Variants in CSMD3 observed in about 807,000 individuals in gnomAD.
CSMD3 encodes the protein CUB and Sushi multiple domains 3.
Under a neutral mutation model 435.2 loss-of-function variants are expected in CSMD3, and 177 were observed. The observed-to-expected ratio is 0.41, with a 90% CI of 0.36 to 0.46. The LOEUF (loss-of-function observed/expected upper bound fraction) is 0.46. Ranked by LOEUF, CSMD3 falls within the 20% of genes least tolerant of loss-of-function variation. The probability of loss-of-function intolerance (pLI) is 0.34; values close to 1 mark genes in which losing one functional copy is unlikely to be tolerated. For missense variants in CSMD3, 4,265 were observed against 4,504.6 expected, an observed-to-expected ratio of 0.95 and a Z score of 1.52; for synonymous variants, 1,656 against 1,520.5, an observed-to-expected ratio of 1.09 and a Z score of -2.07.
chr8:113,166,999 G>A (rs1254784810), intron 4 of CSMD3, among the ~76,000 whole-genome samples: 4 of 152,014 alleles, frequency 2.6e-5, no homozygotes, highest in Non-Finnish European at 1.5e-5. Context: ...GTATACAAGT[G>A]AGAAAACTGA....
chr8:112,743,127 A>C (rs1294211673), intron 13 of CSMD3, among the ~76,000 whole-genome samples: 1 of 152,052 alleles, frequency 6.6e-6, no homozygotes, highest in Non-Finnish European at 1.5e-5. Context: ...TGTGTGACTG[A>C]ATGTGTGCTT....
intron 32 of CSMD3, among the ~76,000 whole-genome samples, chr8:112,432,909 GAAA>G (rs11300101): frequency 1.3e-4 from 19 of 145,558 alleles, no homozygotes; most frequent in Admixed American, 2.8e-4. Flanking sequence ...GGCTCCACTG[GAAA>G]AAAAAAAAAA....
intron 13 of CSMD3, among the ~76,000 whole-genome samples, chr8:112,796,039 G>T (rs1047326891): frequency 6.6e-6 from 1 of 152,104 alleles, no homozygotes; most frequent in Non-Finnish European, 1.5e-5. Context: ...ATGTGCACGT[G>T]CATGCCTATG....
At chr8:113,336,272 G>T (rs2094074098) in intron 1 of CSMD3, among the ~76,000 whole-genome samples, 1 of 151,154 alleles carries the variant, frequency 6.6e-6, no homozygotes, top group South Asian at 2.1e-4. Context: ...CTCCTTACAT[G>T]TTCTATTCTT....
intron 42 of CSMD3, among the ~76,000 whole-genome samples, chr8:112,340,406 T>C (rs1415578888): frequency 6.6e-6 from 1 of 152,208 alleles, no homozygotes; most frequent in Non-Finnish European, 1.5e-5. Context: ...TGTAATTTGA[T>C]GTTTAAGACC....
At chr8:112,946,412 A>G (rs2083611916) in intron 9 of CSMD3, among the ~76,000 whole-genome samples, 1 of 151,720 alleles carries the variant, frequency 6.6e-6, no homozygotes, top group Non-Finnish European at 1.5e-5. Context: ...AGTGCAATAT[A>G]TTATAATATA....
intron 32 of CSMD3, among the ~76,000 whole-genome samples, chr8:112,447,546 G>T (rs1490152727): frequency 6.6e-6 from 1 of 152,098 alleles, no homozygotes; most frequent in Non-Finnish European, 1.5e-5. Flanking sequence ...ACAATCATAA[G>T]AAGTATATAG....
intron 7 of CSMD3, among the ~76,000 whole-genome samples, chr8:112,959,410 T>C (rs996733237): frequency 6.6e-6 from 1 of 152,008 alleles, no homozygotes; most frequent in African/African-American, 2.4e-5. Flanking sequence ...AACAATAAAG[T>C]ATCTTGGAAG....
chr8:113,310,225 A>G (rs568209493), intron 2 of CSMD3: 1 of 152,240 alleles, frequency 6.6e-6, no homozygotes, highest in South Asian at 2.1e-4. Context: ...TCATTCCATA[A>G]TATTTCATAT....
intron 28 of CSMD3, among the ~76,000 whole-genome samples, chr8:112,507,590 T>C (rs2130936782): frequency 6.6e-6 from 1 of 152,292 alleles, no homozygotes; most frequent in African/African-American, 2.4e-5. Context: ...AATCAGTACA[T>C]CGGCATTCTT....
At chr8:113,281,702 C>CT (rs1278957579) in intron 2 of CSMD3, among the ~76,000 whole-genome samples, 1 of 151,756 alleles carries the variant, frequency 6.6e-6, no homozygotes, top group Non-Finnish European at 1.5e-5. Context: ...ACATCGTGCA[C>CT]TTTGTTGCCT....
At chr8:112,373,291 G>T (rs1828617229) in intron 38 of CSMD3, among the ~76,000 whole-genome samples, 1 of 152,004 alleles carries the variant, frequency 6.6e-6, no homozygotes. Flanking sequence ...TCCCCACTGT[G>T]ATTCTTCCCT....
chr8:112,258,610 TA>T (rs1816041381), intron 61 of CSMD3, among the ~76,000 whole-genome samples: 1 of 152,130 alleles, frequency 6.6e-6, no homozygotes, highest in Non-Finnish European at 1.5e-5. Flanking sequence ...TGGTGATCAT[TA>T]AAAAGTCAGG....
At chr8:112,439,681 T>C (rs1337145866) in intron 32 of CSMD3, among the ~76,000 whole-genome samples, 1 of 152,082 alleles carries the variant, frequency 6.6e-6, no homozygotes, top group Non-Finnish European at 1.5e-5. Flanking sequence ...CTTACAATCA[T>C]GGCAGGAGAA....
intron 1 of CSMD3, among the ~76,000 whole-genome samples, chr8:113,375,514 T>TACACACAC (rs3221516): frequency 0.011 from 757 of 69,298 alleles, 5 homozygotes; most frequent in African/African-American, 0.023. Flanking sequence ...GACTATTTAA[T>TACACACAC]ACACACACAC....
At chr8:112,857,742 T>A (rs1367550797) in intron 11 of CSMD3, among the ~76,000 whole-genome samples, 1 of 151,446 alleles carries the variant, frequency 6.6e-6, no homozygotes, top group Non-Finnish European at 1.5e-5. Flanking sequence ...AAGGATTAAA[T>A]AATTCATAAA....
At chr8:112,864,561 C>A (rs1232777982) in intron 10 of CSMD3, among the ~76,000 whole-genome samples, 1 of 151,974 alleles carries the variant, frequency 6.6e-6, no homozygotes, top group Non-Finnish European at 1.5e-5. Context: ...GTATAGGTTT[C>A]TTTTATAACA....
At chr8:113,096,118 T>C (rs2131534325) in intron 5 of CSMD3, among the ~76,000 whole-genome samples, 1 of 152,242 alleles carries the variant, frequency 6.6e-6, no homozygotes, top group Non-Finnish European at 1.5e-5. Flanking sequence ...AATTTAGAAG[T>C]TCAGCCCACA....
At chr8:113,342,135 C>T (rs1358743768) in intron 1 of CSMD3, among the ~76,000 whole-genome samples, 6 of 151,190 alleles carry the variant, frequency 4.0e-5, no homozygotes, top group Admixed American at 4.0e-4. Context: ...TGAAAGAACA[C>T]GTGGACCAAA....
Sources: allele counts gnomAD v4.1 joint callset (sites outside exome capture counted in the v4.1 genomes callset), GRCh38; gene constraint gnomAD v4.1.1; transcripts MANE v1.5; gene names NCBI Gene and HGNC (gene_info 2026-07-23, HGNC 2026-07-21).